The following PCDH9 variants were observed in gnomAD, a reference collection of about 807,000 sequenced individuals.
The protein encoded by PCDH9 is protocadherin 9.
In PCDH9, 24 loss-of-function variants were observed where a neutral mutation model predicts 70.6. The observed-to-expected ratio is 0.34, with a 90% CI of 0.25 to 0.48. The LOEUF is 0.48. Among genes scored for constraint, PCDH9 ranks in the 20% least tolerant of loss-of-function variants. PCDH9 has a pLI of 0.99. For synonymous variants in PCDH9, 562 were observed against 558.5 expected (o/e 1.01, Z -0.09); for missense variants, 1,281 against 1,503.6 (o/e 0.85, Z 2.45).
intron 2 of PCDH9, among the ~76,000 whole-genome samples, chr13:66,967,760 A>G (rs949890113): frequency 2.0e-5 from 3 of 152,216 alleles, no homozygotes; most frequent in Middle Eastern, 3.4e-3. Flanking sequence ...GTTAAACTCT[A>G]CTATAGAATT....
intron 2 of PCDH9, among the ~76,000 whole-genome samples, chr13:66,926,777 T>A (rs2082724269): frequency 6.6e-6 from 1 of 152,092 alleles, no homozygotes; most frequent in Non-Finnish European, 1.5e-5. Flanking sequence ...ACACTACAAT[T>A]TTTTGTGTTA....
chr13:66,533,791 A>T, intron 4 of PCDH9, among the ~76,000 whole-genome samples: 1 of 152,160 alleles, frequency 6.6e-6, no homozygotes, highest in East Asian at 1.9e-4. Context: ...GACAATTTTT[A>T]TTTTCACTTG....
In PCDH9 at chr13:67,213,206, C is replaced by CAAAAAAAAAAAAA. The variant is rs34813503; in HGVS notation, c.3036+12186_3036+12198dup. 1.0e-3 allele frequency: 21 copies of CAAAAAAAAAAAAA among 20,544 alleles called. 6 individuals are homozygous for CAAAAAAAAAAAAA. The highest frequency in any genetic ancestry group is 1.7e-3 in the African/African-American group (10 of 5,886). The allele number at this position is 20,544 out of a possible 1,614,324, so 1.3% of individuals were successfully genotyped here. On this transcript the variant is annotated intron_variant, in intron 2 of 4. Transcript: ENST00000377865. ...AGCCTGGACGACAGAGACTCCGTCA[C>CAAAAAAAAAAAAA]AAAAAAAAAAAAAAAAAAAAAAAAA...
At chr13:66,342,937 TGCTCAGCCCCA>T (rs1011112469) in intron 4 of PCDH9, among the ~76,000 whole-genome samples, 4 of 151,900 alleles carry the variant, frequency 2.6e-5, no homozygotes, top group African/African-American at 9.7e-5. Context: ...TAAGCCACCG[TGCTCAGCCCCA>T]GAGTCCTTTT....
intron 3 of PCDH9, among the ~76,000 whole-genome samples, chr13:66,660,957 A>G (rs1307328119): frequency 6.6e-6 from 1 of 152,192 alleles, no homozygotes; most frequent in African/African-American, 2.4e-5. Flanking sequence ...AGTACATTAT[A>G]AATATCTGAA....
Position 66,622,375 on chromosome 13 carries a change from C to T in PCDH9, c.3340+8835G>A, listed in dbSNP as rs567941181. 3.4e-4 allele frequency among the ~76,000 whole-genome samples: 52 copies of T among 152,282 alleles called. No homozygotes were observed. The South Asian group carries it at 7.0e-3, about 21-fold the overall frequency. On this transcript the variant is annotated intron_variant, in intron 4 of 4. Coordinates refer to ENST00000377865, the MANE Select transcript of PCDH9 (RefSeq NM_203487.3). ...TGGCAGGCAGCTCCACCTGCAGCCC[C>T]GGTGCAGGAGCCACTGGGTGAAGCT...
intron 4 of PCDH9, among the ~76,000 whole-genome samples, chr13:66,402,750 C>T (rs540138616): frequency 4.3e-4 from 65 of 152,184 alleles, no homozygotes; most frequent in African/African-American, 1.5e-3. Context: ...TTGACTTAGT[C>T]ATGAAAAATA....
chr13:66,471,536 T>G (rs1448743902), intron 4 of PCDH9, among the ~76,000 whole-genome samples: 4 of 152,244 alleles, frequency 2.6e-5, no homozygotes, highest in Non-Finnish European at 5.9e-5. Flanking sequence ...TATTTTTATT[T>G]TAACATTATA....
chr13:66,705,064 C>G (rs912302240), intron 3 of PCDH9, among the ~76,000 whole-genome samples: 2 of 152,022 alleles, frequency 1.3e-5, no homozygotes, highest in Non-Finnish European at 2.9e-5. Context: ...TACCTTTTCT[C>G]TATCCAGTAA....
chr13:66,849,533 G>GAC (rs1439695457), intron 3 of PCDH9, among the ~76,000 whole-genome samples: 2 of 148,758 alleles, frequency 1.3e-5, no homozygotes, highest in African/African-American at 5.0e-5. Flanking sequence ...GAGAGAGAGA[G>GAC]AGAGAGAGAG....
chr13:66,456,700 T>C (rs765186146), intron 4 of PCDH9, among the ~76,000 whole-genome samples: 2 of 152,116 alleles, frequency 1.3e-5, no homozygotes, highest in African/African-American at 4.8e-5. Flanking sequence ...CAAAATGTCA[T>C]AGCCTATTCA....
At chr13:66,529,021 C>T (rs1960328582) in intron 4 of PCDH9, among the ~76,000 whole-genome samples, 1 of 152,114 alleles carries the variant, frequency 6.6e-6, no homozygotes, top group African/African-American at 2.4e-5. Flanking sequence ...AGATTGATTG[C>T]TTCCACACTG....
intron 3 of PCDH9, among the ~76,000 whole-genome samples, chr13:66,739,474 C>G (rs1196228700): frequency 6.7e-6 from 1 of 149,366 alleles, no homozygotes; most frequent in East Asian, 2.0e-4. Flanking sequence ...ATGACAGGAT[C>G]AAATTCACAC....
intron 3 of PCDH9, among the ~76,000 whole-genome samples, chr13:66,798,843 T>C (rs938471286): frequency 6.6e-6 from 1 of 151,956 alleles, no homozygotes; most frequent in African/African-American, 2.4e-5. Flanking sequence ...TGAGACACAG[T>C]CTCACTCTGT....
intron 2 of PCDH9, among the ~76,000 whole-genome samples, chr13:66,995,894 G>T (rs2084104252): frequency 6.6e-6 from 1 of 152,050 alleles, no homozygotes. Flanking sequence ...ACCCAACTGG[G>T]TCACAATATT....
chr13:66,765,881 A>G (rs2079707644), intron 3 of PCDH9, among the ~76,000 whole-genome samples: 1 of 152,012 alleles, frequency 6.6e-6, no homozygotes, highest in East Asian at 1.9e-4. Context: ...CTAGGTGTCT[A>G]CACTATGAAT....
At chr13:66,431,915 A>T (rs186439230) in intron 4 of PCDH9, among the ~76,000 whole-genome samples, 15 of 152,156 alleles carry the variant, frequency 9.9e-5, no homozygotes. Context: ...AAGACAATAT[A>T]GTCAATGATC....
At chr13:66,556,703 C>T (rs1961755051) in intron 4 of PCDH9, among the ~76,000 whole-genome samples, 2 of 152,042 alleles carry the variant, frequency 1.3e-5, no homozygotes, top group Admixed American at 6.5e-5. Flanking sequence ...TAAAGTAAAA[C>T]AGAATAAAAT....
At chr13:66,395,447 A>G (rs1178167843) in intron 4 of PCDH9, among the ~76,000 whole-genome samples, 1 of 152,020 alleles carries the variant, frequency 6.6e-6, no homozygotes, top group African/African-American at 2.4e-5. Flanking sequence ...CCAAAAATAC[A>G]AAAATTAGCA....
Sources: allele counts gnomAD v4.1 joint callset (sites outside exome capture counted in the v4.1 genomes callset), GRCh38; gene constraint gnomAD v4.1.1; transcripts MANE v1.5; gene names NCBI Gene and HGNC (gene_info 2026-07-23, HGNC 2026-07-21).